Variants in CACNA1B observed in about 807,000 individuals in gnomAD.
CACNA1B encodes voltage-dependent N-type calcium channel subunit alpha-1B.
In CACNA1B, 70 loss-of-function variants were observed where a neutral mutation model predicts 247.2. That is an observed-to-expected ratio of 0.28 (90% CI 0.23 to 0.35). The LOEUF is 0.35. Among genes scored for constraint, CACNA1B ranks in the 10% least tolerant of loss-of-function variants. The pLI, the probability that CACNA1B is intolerant of heterozygous loss-of-function variation, is 1.00. For missense variants in CACNA1B, 2,367 were observed against 3,197.4 expected (o/e 0.74, Z 6.26); for synonymous variants, 1,231 against 1,294.4 (o/e 0.95, Z 1.05).
intron 18 of CACNA1B, 48 bp downstream of exon 18, chr9:138,013,283 G>A (rs972485090): frequency 1.8e-5 from 26 of 1,421,860 alleles, no homozygotes; most frequent in Non-Finnish European, 2.4e-5. Flanking sequence ...GGCTGCTGCA[G>A]GGTCCCATGG....
chr9:137,948,734 G>A (rs1957828354), intron 6 of CACNA1B, among the ~76,000 whole-genome samples: 1 of 145,898 alleles, frequency 6.9e-6, no homozygotes, highest in African/African-American at 2.5e-5. Context: ...GGTGTGTGTA[G>A]TGTGTGTGGT....
chr9:138,072,763 G>C lies in CACNA1B; in HGVS notation c.4675-725G>C, dbSNP rs73669859. On this transcript the variant is annotated intron_variant, in intron 32 of 46. Coordinates refer to ENST00000371372, the MANE Select transcript of CACNA1B (RefSeq NM_000718.4). This position sits in a 1 kb window ranked among gnomAD's most constrained non-coding sequence, Gnocchi z 4.5. Reference sequence around the variant, plus strand: ...CTGCCAGGTAATCTGTGGAGTCCCAGGTTTATCCATTTATCATTGTGCTTG... The same window carrying C: ...CTGCCAGGTAATCTGTGGAGTCCCACGTTTATCCATTTATCATTGTGCTTG... Among the ~76,000 whole-genome samples, 1 of 152,218 alleles carries C rather than the reference G, an allele frequency of 6.6e-6. No homozygotes were observed. Among genetic ancestry groups the C allele is most frequent in the East Asian group, 1.9e-4 (1 of 5,200 alleles).
intron 35 of CACNA1B, among the ~76,000 whole-genome samples, chr9:138,077,910 C>T (rs2131319368): frequency 6.6e-6 from 1 of 152,348 alleles, no homozygotes; most frequent in Non-Finnish European, 1.5e-5. Flanking sequence ...TTTTAGTAAG[C>T]AGTGGTTTCC....
chr9:137,937,447 G>A (rs942818607), intron 6 of CACNA1B, among the ~76,000 whole-genome samples: 62 of 152,158 alleles, frequency 4.1e-4, no homozygotes, highest in Admixed American at 2.0e-3. Context: ...TATGTTAAAC[G>A]ACCAAACCTA....
At chr9:138,116,760 C>T (rs1961879943) in intron 42 of CACNA1B, among the ~76,000 whole-genome samples, 1 of 152,228 alleles carries the variant, frequency 6.6e-6, no homozygotes, top group African/African-American at 2.4e-5. Context: ...GGTGTTATTT[C>T]AGGGTTAGCG....
intron 31 of CACNA1B, among the ~76,000 whole-genome samples, chr9:138,060,944 T>C (rs1433114738): frequency 6.6e-6 from 1 of 152,212 alleles, no homozygotes; most frequent in African/African-American, 2.4e-5. Context: ...GCCCCTGTCC[T>C]GTGGCCAGCC....
rs552606306 is a variant in CACNA1B, at chr9:138,037,084, C to G, written c.3287-6690C>G. Among the ~76,000 whole-genome samples, 18 of 152,234 alleles carry G rather than the reference C, an allele frequency of 1.2e-4. 1 individual carries two copies. The South Asian group carries it at 3.3e-3, about 28-fold the overall frequency. Reference sequence around the variant, plus strand: ...AAGAGTTTTCCTCTGCTTATTCATGCCATTTATTTGTTGGGGAGAACATAT... The same window carrying G: ...AAGAGTTTTCCTCTGCTTATTCATGGCATTTATTTGTTGGGGAGAACATAT... On this transcript the variant is annotated intron_variant, in intron 20 of 46. Coordinates refer to ENST00000371372, the MANE Select transcript of CACNA1B (RefSeq NM_000718.4).
rs370350227 is a variant in CACNA1B at position 138,057,096 on chromosome 9, C to T, written c.3969-636C>T. On this transcript the variant is annotated intron_variant, in intron 26 of 46. Transcript: ENST00000371372. The surrounding 1 kb of genome is among the most constrained non-coding windows in gnomAD (Gnocchi z 4.0). ...GACTATAGGCGCCCGCCACCACGCC[C>T]GGCTAATTATTTTTGTATTTTTAGT... Among the ~76,000 whole-genome samples, 22 of 152,074 alleles carry T rather than the reference C, an allele frequency of 1.4e-4. No homozygotes were observed. Among genetic ancestry groups the T allele is most frequent in the South Asian group, 4.2e-4 (2 of 4,810 alleles).
At chr9:137,963,173 G>T (rs776171253) in intron 10 of CACNA1B, among the ~76,000 whole-genome samples, 1 of 152,022 alleles carries the variant, frequency 6.6e-6, no homozygotes, top group Non-Finnish European at 1.5e-5. Flanking sequence ...GTGATTTAAC[G>T]TCTGTTTTGT....
At chr9:137,890,450 C>T (rs1259637330) in intron 3 of CACNA1B, 1 of 150,026 alleles carries the variant, frequency 6.7e-6, no homozygotes, top group Admixed American at 6.6e-5. Flanking sequence ...GGGACTGGAC[C>T]AGGTGGTCTG....
intron 3 of CACNA1B, among the ~76,000 whole-genome samples, chr9:137,898,734 TG>T (rs1405638222): frequency 6.0e-5 from 9 of 150,624 alleles, no homozygotes; most frequent in African/African-American, 2.0e-4. Flanking sequence ...CAGGCTGGAG[TG>T]CAGTGGCACG....
chr9:137,919,217 G>A lies in CACNA1B; in HGVS notation c.966+1786G>A, dbSNP rs922467042. Among the ~76,000 whole-genome samples, 1 of 152,258 alleles carries A rather than the reference G, an allele frequency of 6.6e-6. No individual in the cohort carries two copies. Among genetic ancestry groups the A allele is most frequent in the Non-Finnish European group, 1.5e-5 (1 of 68,046 alleles). On this transcript the variant is annotated intron_variant, in intron 6 of 46. Transcript: ENST00000371372. This position sits in a 1 kb window ranked among gnomAD's most constrained non-coding sequence, Gnocchi z 4.6. ...GAGGTTTCAGCCAGCATGTGTTTCA[G>A]TAGGACCCAGTGAGTGCTGGCTCCG... is the stretch of plus-strand genomic sequence containing the variant.
rs1260590107 is a variant in CACNA1B at position 138,023,202 on chromosome 9, A to C, written c.2459A>C (p.Glu820Ala). 2.0e-6 allele frequency: 3 copies of C among 1,517,012 alleles called. No individual in the cohort carries two copies. The highest frequency in any genetic ancestry group is 2.6e-6 in the Non-Finnish European group (3 of 1,140,708). 94.0% of individuals were successfully genotyped at this position (1,517,012 alleles called of 1,614,324 possible). ...CACCTGGACCGGCCGCTGGTGGTGG[A>C]GCTGGGCCGCGACGGCGCGCGGGGG... ...KTHLDRPLVV[E>A]LGRDGARGPV... The change falls in exon 19 of 47, where the codon GAG (glutamate) becomes GCG (alanine). Residue 820 changes from glutamate (E) to alanine (A), a missense_variant. This residue lies in a region of CACNA1B where 631 missense variants were observed against 631.1 expected (regional missense o/e 1.00). Coordinates refer to ENST00000371372, the MANE Select transcript of CACNA1B (RefSeq NM_000718.4).
chr9:138,104,278 G>A (rs1017243672), intron 38 of CACNA1B, among the ~76,000 whole-genome samples: 1 of 152,214 alleles, frequency 6.6e-6, no homozygotes, highest in African/African-American at 2.4e-5. Flanking sequence ...GCCTGGAGTG[G>A]GCTGATGGCA....
intron 12 of CACNA1B, among the ~76,000 whole-genome samples, chr9:137,978,373 AG>A (rs1284698587): frequency 3.8e-5 from 5 of 130,918 alleles, no homozygotes; most frequent in African/African-American, 1.5e-4. Context: ...CCTCCCATGA[AG>A]GAGTGAAGGG....
In CACNA1B at chr9:138,102,194, C is replaced by CT. The variant is rs2131349392; in HGVS notation, c.5223-512dup. ...CTGGTTTGTTTCAGATCTTCTCCAC[C>CT]TTTTTAGCCTCTAGCCTCACTTGGA... On this transcript the variant is annotated intron_variant, in intron 37 of 46. Coordinates refer to ENST00000371372, the MANE Select transcript of CACNA1B (RefSeq NM_000718.4). The surrounding 1 kb of genome is among the most constrained non-coding windows in gnomAD (Gnocchi z 5.4). 6.6e-6 allele frequency among the ~76,000 whole-genome samples: 1 copy of CT among 152,278 alleles called. No homozygotes were observed. Among genetic ancestry groups the CT allele is most frequent in the South Asian group, 2.1e-4 (1 of 4,826 alleles).
rs1959270987 is a variant in CACNA1B at position 138,051,394 on chromosome 9, G to T, written c.3711-698G>T. Among the ~76,000 whole-genome samples the T allele has an allele frequency of 6.6e-6, 1 of 151,636 alleles. No individual in the cohort carries two copies. The highest frequency in any genetic ancestry group is 1.5e-5 in the Non-Finnish European group (1 of 67,962). ...CTTCCTGCCTTGCCGTCCCTGCTCTGCATGAGTTTTCCTGTCTGCTGCTTT... is the reference window on the plus strand; with the variant it reads ...CTTCCTGCCTTGCCGTCCCTGCTCTTCATGAGTTTTCCTGTCTGCTGCTTT... On this transcript the variant is annotated intron_variant, in intron 24 of 46. Transcript: ENST00000371372. This position sits in a 1 kb window ranked among gnomAD's most constrained non-coding sequence, Gnocchi z 4.3.
At chr9:138,031,516 G>T (rs1349157931) in intron 20 of CACNA1B, among the ~76,000 whole-genome samples, 1 of 152,138 alleles carries the variant, frequency 6.6e-6, no homozygotes, top group African/African-American at 2.4e-5. Flanking sequence ...GCATTGTTTA[G>T]ATCCTGTTGG....
chr9:138,078,013 G>A, intron 35 of CACNA1B, 101 bp from the exon 36 acceptor site: 1 of 1,007,310 alleles, frequency 9.9e-7, no homozygotes, highest in South Asian at 1.6e-5. Flanking sequence ...TGAGCTGTCT[G>A]TGGGAAGGAG....
Sources: gnomAD v4.1 joint callset for allele counts (sites outside exome capture counted in the v4.1 genomes callset) on GRCh38, gnomAD v4.1.1 for gene constraint, gnomAD v4.1.1 regional missense constraint, Gnocchi (gnomAD v3.1) non-coding constraint, MANE v1.5 for transcripts, NCBI Gene and HGNC (gene_info 2026-07-23, HGNC 2026-07-21) for gene names.